Variants in ZPR1 observed in about 807,000 individuals in gnomAD.
ZPR1 encodes the protein ZPR1 zinc finger.
In ZPR1, 37 loss-of-function variants were observed where a neutral mutation model predicts 59.6. The observed-to-expected ratio is 0.62, with a 90% CI of 0.48 to 0.82. The LOEUF is 0.82. ZPR1 is among the 40% of genes least tolerant of loss of function. The probability of loss-of-function intolerance (pLI) is 0.00; values close to 1 mark genes in which losing one functional copy is unlikely to be tolerated. For missense variants in ZPR1, 527 were observed against 579.9 expected (o/e 0.91, Z 0.94); for synonymous variants, 191 against 215.2 (o/e 0.89, Z 0.99).
intron 4 of ZPR1, 61 bp from the exon 5 acceptor site, chr11:116,785,943 T>C: frequency 6.9e-7 from 1 of 1,443,178 alleles, no homozygotes; most frequent in South Asian, 1.1e-5. Context: ...CTGCCCCTTG[T>C]CATGCCCATG....
chr11:116,780,142 T>C (rs1019586346), intron 12 of ZPR1, among the ~76,000 whole-genome samples: 1 of 151,198 alleles, frequency 6.6e-6, no homozygotes, highest in Non-Finnish European at 1.5e-5. Flanking sequence ...CCAACCCAAT[T>C]TATATTACAG....
chr11:116,784,614 T>C (rs1940857343), intron 8 of ZPR1, 166 bp from the exon 9 acceptor site: 1 of 816,764 alleles, frequency 1.2e-6, no homozygotes, highest in Non-Finnish European at 2.1e-6. Flanking sequence ...TCCCAACCCA[T>C]GGCAATCCCT....
intron 9 of ZPR1, among the ~76,000 whole-genome samples, chr11:116,784,022 T>C (rs1172655532): frequency 6.6e-6 from 1 of 152,188 alleles, no homozygotes; most frequent in African/African-American, 2.4e-5. Flanking sequence ...GAAGGGAATT[T>C]ATAATTCTCT....
intron 12 of ZPR1, among the ~76,000 whole-genome samples, 195 bp downstream of exon 12, chr11:116,781,963 G>A (rs1456648591): frequency 6.6e-6 from 1 of 150,510 alleles, no homozygotes; most frequent in Non-Finnish European, 1.5e-5. Flanking sequence ...AGTGAGCCGA[G>A]ATCACGCCAC....
chr11:116,779,740 C>G, intron 13 of ZPR1, 32 bp downstream of exon 13: 2 of 1,477,712 alleles, frequency 1.4e-6, no homozygotes, highest in South Asian at 2.3e-5. Flanking sequence ...GAAAATGTAT[C>G]TCTATGAAAC....
In ZPR1 at chr11:116,782,962, T is replaced by C; in HGVS notation, c.1049A>G (p.Lys350Arg). ...CAGCAGCCCTTCCAGTGTGGTGAAC[T>C]TGCCCCCGAGGACTGCCATTCCCAG... ...FELGMAVLGG[K>R]FTTLEGLLKD... The change falls in exon 11 of 14, where the codon AAG becomes AGG. Residue 350 changes from lysine to arginine, a missense_variant. By Grantham distance (26) the Lys-to-Arg change is conservative. Transcript: ENST00000227322. 1.2e-6 allele frequency: 2 copies of C among 1,614,218 alleles called. No homozygotes were observed. Among genetic ancestry groups the C allele is most frequent in the African/African-American group, 2.7e-5 (2 of 75,042 alleles).
At chr11:116,780,663 C>T (rs949896716) in intron 12 of ZPR1, among the ~76,000 whole-genome samples, 1 of 152,118 alleles carries the variant, frequency 6.6e-6, no homozygotes, top group Non-Finnish European at 1.5e-5. Context: ...GTCTGACTAG[C>T]CCAAGAGGAA....
At position 116,788,000 on chromosome 11, in the gene ZPR1, G is replaced by A. The variant is rs996465554; in HGVS notation, c.-10C>T. 1.4e-6 allele frequency: 2 copies of A among 1,426,166 alleles called. No homozygotes were observed. The highest frequency in any genetic ancestry group is 1.5e-5 in the African/African-American group (1 of 66,774). 88.3% of individuals were successfully genotyped at this position (1,426,166 alleles called of 1,614,324 possible). ...CCCCGCTGGCCGCCATGGCCACCAC[G>A]CGCAATTCAGACCTCGGCTTCCTAC... On this transcript the variant is annotated 5_prime_UTR_variant, in exon 1 of 14. Transcript: ENST00000227322.
rs36064778 is a variant in ZPR1, at chr11:116,779,591, TA to T, written c.1245+180del. Among the ~76,000 whole-genome samples, 331 of 148,864 alleles carry T rather than the reference TA, an allele frequency of 2.2e-3. 2 individuals are homozygous for T. Among genetic ancestry groups the T allele is most frequent in the Admixed American group, 5.3e-3 (79 of 14,952 alleles). On this transcript the variant is annotated intron_variant, in intron 13 of 13. Coordinates refer to ENST00000227322, the MANE Select transcript of ZPR1 (RefSeq NM_003904.5). ...TTTTTTTTCCTTCTTTACATACACT[TA>T]AAAAAAAAATCCCCTCCCACACCCC... is the stretch of plus-strand genomic sequence containing the variant.
chr11:116,781,766 A>C (rs1346992856), intron 12 of ZPR1, among the ~76,000 whole-genome samples: 1 of 152,100 alleles, frequency 6.6e-6, no homozygotes, highest in African/African-American at 2.4e-5. Context: ...TAATCCCAGC[A>C]CTTTGGGAAG....
At chr11:116,786,458 T>A in intron 4 of ZPR1, 53 bp downstream of exon 4, 5 of 1,604,172 alleles carry the variant, frequency 3.1e-6, no homozygotes, top group Non-Finnish European at 4.3e-6. Context: ...CATGGGACAC[T>A]CTATATAAGC....
rs1591305391 is a variant in ZPR1, at chr11:116,774,010, T to C, written c.*4915A>G. 6.6e-6 allele frequency: 1 copy of C among 152,102 alleles called. No individual in the cohort carries two copies. The highest frequency in any genetic ancestry group is 2.4e-5 in the African/African-American group (1 of 41,402). 9.4% of individuals were successfully genotyped at this position (152,102 alleles called of 1,614,324 possible). ...GGCTAGCGAAGTGGGGTGCAAGAGG[T>C]CATCCAAATTTCTTGAAATACCAGA... On this transcript the variant is annotated 3_prime_UTR_variant, in exon 14 of 14. Coordinates refer to ENST00000227322, the MANE Select transcript of ZPR1 (RefSeq NM_003904.5).
chr11:116,782,241 T>G lies in ZPR1; in HGVS notation c.1096A>C (p.Thr366Pro), dbSNP rs1225844196. The change falls in exon 12 of 14, where the codon ACC becomes CCC. Residue 366 changes from threonine (T) to proline (P), a missense_variant. Thr to Pro is a conservative substitution (Grantham distance 38, BLOSUM62 -1). Coordinates refer to ENST00000227322, the MANE Select transcript of ZPR1 (RefSeq NM_003904.5). ...GLLKDIRELV[T>P]KNPFTLGDSS... ...TCGCCCAGTGTGAAAGGATTTTTGGTCACCTGCAATAAATGATAATCCAAA... is the reference window on the plus strand; with the variant it reads ...TCGCCCAGTGTGAAAGGATTTTTGGGCACCTGCAATAAATGATAATCCAAA... 3.1e-6 allele frequency: 5 copies of G among 1,613,766 alleles called. No homozygotes were observed. The highest frequency in any genetic ancestry group is 4.2e-6 in the Non-Finnish European group (5 of 1,179,702).
Position 116,776,771 on chromosome 11 carries a change from G to A in ZPR1, c.*2154C>T, listed in dbSNP as rs922759573. 4 of 152,176 alleles carry A rather than the reference G, an allele frequency of 2.6e-5. No homozygotes were observed. The highest frequency in any genetic ancestry group is 5.9e-5 in the Non-Finnish European group (4 of 68,028). The allele number at this position is 152,176 out of a possible 1,614,324, so 9.4% of individuals were successfully genotyped here. A position where few individuals can be genotyped will look rare whatever the true frequency, so the allele number is the denominator to read the frequency against. On this transcript the variant is annotated 3_prime_UTR_variant, in exon 14 of 14. Transcript: ENST00000227322. Reference sequence around the variant, plus strand: ...TTCCTTCACAATGGAAAATGAACCTGATACTGCAGTTTATCTTAACAGAGC... The same window carrying A: ...TTCCTTCACAATGGAAAATGAACCTAATACTGCAGTTTATCTTAACAGAGC...
At chr11:116,782,136 T>C in intron 12 of ZPR1, 22 bp downstream of exon 12, 2 of 1,604,122 alleles carry the variant, frequency 1.2e-6, no homozygotes, top group Non-Finnish European at 1.7e-6. Context: ...TTCTAAGTAC[T>C]GACTGGCCAG....
intron 8 of ZPR1, 136 bp from the exon 9 acceptor site, chr11:116,784,584 T>A (rs900169640): frequency 2.7e-5 from 26 of 952,252 alleles, no homozygotes; most frequent in Non-Finnish European, 3.9e-5. Context: ...GCCCACAGAG[T>A]CCTCCAGAAG....
chr11:116,780,643 T>C (rs1311597753), intron 12 of ZPR1, among the ~76,000 whole-genome samples: 1 of 152,164 alleles, frequency 6.6e-6, no homozygotes, highest in Non-Finnish European at 1.5e-5. Flanking sequence ...CTGGCAGGCA[T>C]AGCCTCTTTG....
At chr11:116,779,092 T>C (rs2134193083) in intron 13 of ZPR1, 33 bp from the exon 14 acceptor site, 1 of 1,610,534 alleles carries the variant, frequency 6.2e-7, no homozygotes, top group Non-Finnish European at 8.5e-7. Context: ...TCAGTGCCGC[T>C]GTGCCACTCC....
intron 6 of ZPR1, 101 bp downstream of exon 6, chr11:116,785,413 G>T: frequency 6.6e-7 from 1 of 1,507,852 alleles, no homozygotes; most frequent in African/African-American, 1.4e-5. Context: ...CTGAGATAGG[G>T]CACACAGAGC....
Sources: gnomAD v4.1 joint callset for allele counts (sites outside exome capture counted in the v4.1 genomes callset) on GRCh38, gnomAD v4.1.1 for gene constraint, MANE v1.5 for transcripts, NCBI Gene and HGNC (gene_info 2026-07-23, HGNC 2026-07-21) for gene names.